The following TRIP11 variants were observed in gnomAD, a reference collection of about 807,000 sequenced individuals.
The protein encoded by TRIP11 is thyroid hormone receptor interactor 11, also known as thyroid receptor-interacting protein 11.
A neutral mutation model predicts 223.1 loss-of-function variants in TRIP11; 148 were observed. That is an observed-to-expected ratio of 0.66 (90% CI 0.58 to 0.76). TRIP11 has a LOEUF of 0.76. Among genes scored for constraint, TRIP11 ranks in the 30% least tolerant of loss-of-function variants. TRIP11 has a pLI of 0.00. For synonymous variants in TRIP11, 762 were observed against 772.6 expected (o/e 0.99, Z 0.23); for missense variants, 2,043 against 2,222.0 (o/e 0.92, Z 1.62).
At chr14:92,016,025 C>G (rs561199760) in intron 5 of TRIP11, among the ~76,000 whole-genome samples, 164 bp from the exon 6 acceptor site, 1 of 152,336 alleles carries the variant, frequency 6.6e-6, no homozygotes, top group African/African-American at 2.4e-5. Flanking sequence ...CTATTCTGAA[C>G]AACTTCACCC....
intron 16 of TRIP11, chr14:91,977,179 G>A (rs141099694): frequency 1.9e-4 from 86 of 448,596 alleles, no homozygotes; most frequent in African/African-American, 1.1e-3. Context: ...TACAAGTTCC[G>A]TTATCAGATA....
Position 92,011,739 on chromosome 14 carries a change from G to A in TRIP11, c.1227+16C>T, listed in dbSNP as rs1458377072. 1.9e-6 allele frequency: 3 copies of A among 1,608,252 alleles called. No homozygotes were observed. The highest frequency in any genetic ancestry group is 2.2e-5 in the South Asian group (2 of 90,880). On this transcript the variant is annotated intron_variant, in intron 8 of 20. Coordinates refer to ENST00000267622, the MANE Select transcript of TRIP11 (RefSeq NM_004239.4). Reference sequence around the variant, plus strand: ...CACTGTCTCTATGCACATAACATTTGTCAAAATTAATTTACCTGGTTTAAA... The same window carrying A: ...CACTGTCTCTATGCACATAACATTTATCAAAATTAATTTACCTGGTTTAAA...
chr14:92,021,316 G>T (rs2057111051), intron 4 of TRIP11, among the ~76,000 whole-genome samples: 1 of 150,996 alleles, frequency 6.6e-6, no homozygotes, highest in Non-Finnish European at 1.5e-5. Flanking sequence ...TGGAACCCAG[G>T]AGGCCGAGGC....
chr14:91,991,414 T>G (rs1284608267), intron 15 of TRIP11, among the ~76,000 whole-genome samples: 1 of 152,204 alleles, frequency 6.6e-6, no homozygotes, highest in Non-Finnish European at 1.5e-5. Flanking sequence ...CAAAATGGAC[T>G]AAGACACTTC....
At chr14:92,010,710 G>A (rs924526669) in intron 9 of TRIP11, among the ~76,000 whole-genome samples, 3 of 151,694 alleles carry the variant, frequency 2.0e-5, no homozygotes, top group African/African-American at 7.3e-5. Context: ...CTGCTGTCAG[G>A]ACATCATCAG....
At chr14:92,039,423 G>C in intron 1 of TRIP11, 124 bp downstream of exon 1, 1 of 1,047,880 alleles carries the variant, frequency 9.5e-7, no homozygotes, top group Non-Finnish European at 1.4e-6. Context: ...GGTGTGTGAA[G>C]AAAAAAGGGA....
At chr14:92,021,039 C>T (rs866146663) in intron 4 of TRIP11, among the ~76,000 whole-genome samples, 83 of 135,924 alleles carry the variant, frequency 6.1e-4, no homozygotes, top group African/African-American at 2.3e-3. Flanking sequence ...CACTGCATTC[C>T]AGCCTCGGTG....
chr14:92,013,216 G>A (rs112849084), intron 7 of TRIP11, among the ~76,000 whole-genome samples: 2,083 of 152,200 alleles, frequency 0.014, 46 homozygotes, highest in African/African-American at 0.047. Context: ...GCAGTGAACC[G>A]AGATCGTGCC....
At chr14:91,994,958 G>T (rs564981053) in intron 14 of TRIP11, among the ~76,000 whole-genome samples, 22 of 152,212 alleles carry the variant, frequency 1.4e-4, no homozygotes, top group Non-Finnish European at 2.6e-4. Flanking sequence ...TCTGAAGTAG[G>T]TTCAACCTCC....
chr14:91,992,161 T>G (rs1324861038), intron 15 of TRIP11, among the ~76,000 whole-genome samples: 4 of 149,120 alleles, frequency 2.7e-5, no homozygotes, highest in Non-Finnish European at 5.9e-5. Flanking sequence ...TTACATAGAC[T>G]TCAAAAATAT....
intron 16 of TRIP11, 78 bp from the exon 17 acceptor site, chr14:91,976,267 G>A: frequency 3.4e-6 from 4 of 1,179,490 alleles, no homozygotes; most frequent in Non-Finnish European, 5.0e-6. Context: ...AAATTTATGA[G>A]ATCTTTATTA....
intron 9 of TRIP11, among the ~76,000 whole-genome samples, chr14:92,008,521 T>C (rs2056932891): frequency 6.6e-6 from 1 of 152,206 alleles, no homozygotes; most frequent in Non-Finnish European, 1.5e-5. Flanking sequence ...AGATAGTATA[T>C]ATACATTTTA....
chr14:92,012,990 T>C (rs987801066), intron 7 of TRIP11, among the ~76,000 whole-genome samples: 2 of 152,130 alleles, frequency 1.3e-5, no homozygotes, highest in African/African-American at 2.4e-5. Flanking sequence ...ACTCTTCAGC[T>C]GGGGGCGGTG....
Position 91,966,751 on chromosome 14 carries a change from G to A in TRIP11, c.*2922C>T, listed in dbSNP as rs1055887933. 7 of 209,328 alleles carry A rather than the reference G, an allele frequency of 3.3e-5. No homozygotes were observed. Among genetic ancestry groups the A allele is most frequent in the Non-Finnish European group, 9.7e-6 (1 of 103,100 alleles). The allele number at this position is 209,328 out of a possible 1,614,324, so 13.0% of individuals were successfully genotyped here. On this transcript the variant is annotated 3_prime_UTR_variant, in exon 21 of 21. Coordinates refer to ENST00000267622, the MANE Select transcript of TRIP11 (RefSeq NM_004239.4). ...TTCAAACAATTTGATCCAGTATTAT[G>A]CTAAAATTAAATTCAGTAGTTAGAT...
At position 92,004,102 on chromosome 14, in the gene TRIP11, G is replaced by A; in HGVS notation, c.3874C>T (p.Gln1292Ter). 6.2e-7 allele frequency: 1 copy of A among 1,614,162 alleles called. No individual in the cohort carries two copies. The highest frequency in any genetic ancestry group is 8.5e-7 in the Non-Finnish European group (1 of 1,180,028). The change falls in exon 11 of 21, where the codon CAG (glutamine) becomes TAG (stop). Residue 1292 changes from glutamine (Q) to a stop codon, truncating the protein, a stop_gained. Coordinates refer to ENST00000267622, the MANE Select transcript of TRIP11 (RefSeq NM_004239.4). LOFTEE classifies it high-confidence loss of function. ...TTGCAAAGCTGCCCAATGCTGTGCT[G>A]AACTTGTGCTAATTCCTGCCCAAAA... ...KNFGQELAQV[Q>*]HSIGQLCNTK...
At chr14:92,027,080 G>A (rs1425259171) in intron 2 of TRIP11, among the ~76,000 whole-genome samples, 4 of 151,930 alleles carry the variant, frequency 2.6e-5, no homozygotes, top group Non-Finnish European at 2.9e-5. Flanking sequence ...CAACAGGGGA[G>A]GAAAAAGAAC....
intron 10 of TRIP11, 79 bp from the exon 11 acceptor site, chr14:92,006,527 C>A (rs1020360311): frequency 7.0e-7 from 1 of 1,424,124 alleles, no homozygotes; most frequent in Non-Finnish European, 9.7e-7. Flanking sequence ...AAATCTCATA[C>A]ATAATAGAAA....
At chr14:91,971,080 T>C (rs2056395742) in intron 20 of TRIP11, among the ~76,000 whole-genome samples, 1 of 152,226 alleles carries the variant, frequency 6.6e-6, no homozygotes, top group Non-Finnish European at 1.5e-5. Context: ...GCTAATACAA[T>C]TCCTTTTTAT....
chr14:92,007,050 C>A (rs2056913764), intron 10 of TRIP11, among the ~76,000 whole-genome samples: 1 of 144,968 alleles, frequency 6.9e-6, no homozygotes, highest in Non-Finnish European at 1.5e-5. Context: ...TTTTTTGAGA[C>A]AGAGTCGCTC....
Sources: allele counts gnomAD v4.1 joint callset (sites outside exome capture counted in the v4.1 genomes callset), GRCh38; gene constraint gnomAD v4.1.1; transcripts MANE v1.5; gene names NCBI Gene and HGNC (gene_info 2026-07-23, HGNC 2026-07-21).